Variants in SGCG observed in about 807,000 individuals in gnomAD.
SGCG encodes the protein sarcoglycan gamma, also known as gamma-sarcoglycan.
SGCG carries 26 observed loss-of-function variants against 29.3 expected under a neutral mutation model. The observed-to-expected ratio is 0.89, with a 90% confidence interval of 0.65 to 1.23. The LOEUF (loss-of-function observed/expected upper bound fraction) is 1.23. Ranked by LOEUF, SGCG falls within the 50% of genes most tolerant of loss-of-function variation. SGCG has a pLI of 0.00. For synonymous variants in SGCG, 145 were observed against 129.7 expected, an observed-to-expected ratio of 1.12 and a Z score of -0.80; for missense variants, 353 against 356.0, an observed-to-expected ratio of 0.99 and a Z score of 0.07.
chr13:23,190,659 A>T (rs1877209487), intron 1 of SGCG, among the ~76,000 whole-genome samples: 1 of 152,202 alleles, frequency 6.6e-6, no homozygotes, highest in South Asian at 2.1e-4. Flanking sequence ...GATAACCTTT[A>T]TGAAACTTAT....
At chr13:23,209,578 T>A (rs1483953625) in intron 2 of SGCG, among the ~76,000 whole-genome samples, 1 of 152,228 alleles carries the variant, frequency 6.6e-6, no homozygotes, top group Non-Finnish European at 1.5e-5. Flanking sequence ...CCACAGGCTG[T>A]CTGTGAATGC....
At chr13:23,202,420 A>G (rs538514240) in intron 1 of SGCG, among the ~76,000 whole-genome samples, 5 of 152,314 alleles carry the variant, frequency 3.3e-5, no homozygotes, top group African/African-American at 7.2e-5. Flanking sequence ...ATGTAGACAG[A>G]TTTCAGATAT....
chr13:23,248,361 A>G (rs374315230), intron 3 of SGCG, among the ~76,000 whole-genome samples: 4 of 152,268 alleles, frequency 2.6e-5, no homozygotes, highest in Admixed American at 2.0e-4. Flanking sequence ...AAAAGGAATG[A>G]GCATTGTAGT....
intron 4 of SGCG, among the ~76,000 whole-genome samples, chr13:23,277,824 G>T (rs537065956): frequency 6.7e-6 from 1 of 149,496 alleles, no homozygotes; most frequent in Non-Finnish European, 1.5e-5. Context: ...TCAGCCTCCC[G>T]AGTAGTTGGG....
Position 23,295,683 on chromosome 13 carries a change from A to G in SGCG, c.578+196A>G, listed in dbSNP as rs138960871. 3.9e-5 allele frequency among the ~76,000 whole-genome samples: 6 copies of G among 152,314 alleles called. No individual in the cohort carries two copies. In the East Asian group the frequency reaches 1.2e-3, roughly 29 times the overall value. ...GGTCAAAAAGTCCTACTGACTCCAC[A>G]CTTGGTGCCTGTTCACAGCCTCCTC... is the stretch of plus-strand genomic sequence containing the variant. On this transcript the variant is annotated intron_variant, in intron 6 of 7. Transcript: ENST00000218867.
chr13:23,223,837 G>A (rs182755508), intron 2 of SGCG, among the ~76,000 whole-genome samples: 48 of 152,164 alleles, frequency 3.2e-4, no homozygotes, highest in Admixed American at 2.0e-3. Flanking sequence ...GTGGTGGTGC[G>A]TGCCTGTAAT....
chr13:23,226,533 C>T (rs9550933), intron 2 of SGCG, among the ~76,000 whole-genome samples: 40,112 of 152,102 alleles, frequency 0.26, 5,814 homozygotes, highest in East Asian at 0.44. Context: ...TCTTCCCAAG[C>T]TGACACTTGT....
At chr13:23,248,853 T>A (rs1418600694) in intron 3 of SGCG, among the ~76,000 whole-genome samples, 1 of 150,848 alleles carries the variant, frequency 6.6e-6, no homozygotes, top group African/African-American at 2.4e-5. Context: ...TTAGGGGGCG[T>A]GGTGGCGGGC....
chr13:23,310,930 C>T (rs1443738712), intron 6 of SGCG, among the ~76,000 whole-genome samples: 1 of 152,196 alleles, frequency 6.6e-6, no homozygotes, highest in Non-Finnish European at 1.5e-5. Context: ...TTATTCATCT[C>T]CCTGCTTTAT....
At chr13:23,228,396 A>G (rs1878981190) in intron 2 of SGCG, among the ~76,000 whole-genome samples, 1 of 152,130 alleles carries the variant, frequency 6.6e-6, no homozygotes, top group African/African-American at 2.4e-5. Context: ...GAATCTTGCA[A>G]GTGAAAGGAA....
chr13:23,318,170 A>AT (rs1882896915), intron 6 of SGCG, among the ~76,000 whole-genome samples: 1 of 150,064 alleles, frequency 6.7e-6, no homozygotes, highest in Non-Finnish European at 1.5e-5. Context: ...AATACTTAAT[A>AT]AACTCCCCTT....
intron 1 of SGCG, among the ~76,000 whole-genome samples, chr13:23,187,207 G>T (rs1877013159): frequency 6.6e-6 from 1 of 152,158 alleles, no homozygotes; most frequent in African/African-American, 2.4e-5. Context: ...GTGTCAACTG[G>T]GTGAGCCACT....
intron 2 of SGCG, among the ~76,000 whole-genome samples, chr13:23,228,865 T>C (rs1879000444): frequency 6.6e-6 from 1 of 152,268 alleles, no homozygotes; most frequent in South Asian, 2.1e-4. Flanking sequence ...TTATCCAGTC[T>C]ACTGTTTCTT....
At chr13:23,223,000 T>C (rs532593697) in intron 2 of SGCG, among the ~76,000 whole-genome samples, 7 of 152,018 alleles carry the variant, frequency 4.6e-5, no homozygotes, top group Non-Finnish European at 8.8e-5. Flanking sequence ...ACAAATAGGC[T>C]GGGCACAGTG....
intron 3 of SGCG, chr13:23,245,877 C>T (rs1411764571): frequency 1.3e-5 from 2 of 152,266 alleles, no homozygotes; most frequent in African/African-American, 4.8e-5. Context: ...GAACCACAGT[C>T]GTATTCTCTG....
At chr13:23,313,356 G>A (rs962859342) in intron 6 of SGCG, among the ~76,000 whole-genome samples, 1 of 151,884 alleles carries the variant, frequency 6.6e-6, no homozygotes, top group African/African-American at 2.4e-5. Context: ...GTGGAGACAG[G>A]GTTTCACCAT....
intron 2 of SGCG, among the ~76,000 whole-genome samples, chr13:23,228,662 C>G (rs1878992968): frequency 1.3e-5 from 2 of 152,116 alleles, no homozygotes; most frequent in Admixed American, 6.5e-5. Context: ...TTGTTCCCCT[C>G]TATGTTTCCA....
At chr13:23,259,712 T>TA (rs1230052886) in intron 4 of SGCG, among the ~76,000 whole-genome samples, 1 of 152,364 alleles carries the variant, frequency 6.6e-6, no homozygotes, top group African/African-American at 2.4e-5. Flanking sequence ...CACACTGCTT[T>TA]AAATGCATCC....
In SGCG at chr13:23,221,238, G is replaced by C. The variant is rs1593180841; in HGVS notation, c.196-13373G>C. 2.6e-5 allele frequency among the ~76,000 whole-genome samples: 4 copies of C among 152,242 alleles called. No homozygotes were observed. In the South Asian group the frequency reaches 8.3e-4, roughly 32 times the overall value. On this transcript the variant is annotated intron_variant, in intron 2 of 7. Coordinates refer to ENST00000218867, the MANE Select transcript of SGCG (RefSeq NM_000231.3). ...GAAGTAAGAAAAGAATAGTTGTTAG[G>C]ATAATTAAAGATAAAGAAAATGGGT... is the stretch of plus-strand genomic sequence containing the variant.
Sources: allele counts gnomAD v4.1 joint callset (sites outside exome capture counted in the v4.1 genomes callset), GRCh38; gene constraint gnomAD v4.1.1; transcripts MANE v1.5; gene names NCBI Gene and HGNC (gene_info 2026-07-23, HGNC 2026-07-21).